The following ACACB variants were observed in gnomAD, a reference collection of about 807,000 sequenced individuals.
ACACB encodes acetyl-CoA carboxylase beta, also known as acetyl-CoA carboxylase 2.
ACACB carries 209 observed loss-of-function variants against 278.8 expected under a neutral mutation model. The observed-to-expected ratio is 0.75, with a 90% confidence interval of 0.67 to 0.84. The LOEUF (loss-of-function observed/expected upper bound fraction) is 0.84, where lower values mean the gene tolerates loss of function less well. ACACB is among the 40% of genes least tolerant of loss of function. The probability of loss-of-function intolerance (pLI) is 0.00; values close to 1 mark genes in which losing one functional copy is unlikely to be tolerated. For synonymous variants in ACACB, 1,174 were observed against 1,285.6 expected (o/e 0.91, Z 1.86); for missense variants, 2,850 against 3,269.0 (o/e 0.87, Z 3.13).
In ACACB at chr12:109,253,135, G is replaced by A; in HGVS notation, c.6022G>A (p.Glu2008Lys). The A allele has an allele frequency of 1.3e-6, 2 of 1,599,252 alleles. No homozygotes were observed. Among genetic ancestry groups the A allele is most frequent in the African/African-American group, 1.3e-5 (1 of 74,826 alleles). ...CTTTGAGGGGGTTTATACCATCCTG[G>A]AGTGGCTGTCCTATATGCCAAAGGT... ...DDFEGVYTILEWLSYMPKDNH... is the reference protein window; with the variant it reads ...DDFEGVYTILKWLSYMPKDNH... Residue 2008 changes from glutamate to lysine, a missense_variant, in exon 43 of 53, where the codon GAG becomes AAG. Physicochemically the swap from Glu to Lys is moderately conservative, Grantham distance 56. Transcript: ENST00000338432.
At chr12:109,244,836 G>A (rs995648177) in intron 37 of ACACB, among the ~76,000 whole-genome samples, 1 of 152,092 alleles carries the variant, frequency 6.6e-6, no homozygotes, top group African/African-American at 2.4e-5. Context: ...CGAGAGAATG[G>A]AAAACTGAAC....
chr12:109,194,255 G>T (rs1163969578), intron 16 of ACACB, among the ~76,000 whole-genome samples: 1 of 152,060 alleles, frequency 6.6e-6, no homozygotes, highest in Non-Finnish European at 1.5e-5. Context: ...GAGTGCAGTG[G>T]CTCAACCTTG....
At chr12:109,259,194 A>G in intron 47 of ACACB, 86 bp downstream of exon 47, 2 of 1,480,508 alleles carry the variant, frequency 1.4e-6, no homozygotes, top group Non-Finnish European at 1.8e-6. Context: ...CTAATGTCCT[A>G]GTCTGTGCCC....
intron 3 of ACACB, among the ~76,000 whole-genome samples, chr12:109,167,621 G>GTGTATATATATATATATATATATATA (rs1555210640): frequency 1.3e-5 from 1 of 77,526 alleles, no homozygotes; most frequent in African/African-American, 5.1e-5. Context: ...ATATGTATGT[G>GTGTATATATATATATATATATATATA]TATATATATA....
chr12:109,113,280 G>A (rs1411158634), upstream of ACACB: 1 of 152,240 alleles, frequency 6.6e-6, no homozygotes, highest in East Asian at 1.9e-4. Context: ...AGGAACAAGA[G>A]CATTCAACAC....
Position 109,246,570 on chromosome 12 carries a change from A to G in ACACB, c.5571+122A>G, listed in dbSNP as rs1365991561. ...ACTTATGTATAAAGCACAGATGTAC[A>G]TGTAGTGTATAAACAGGCATACAGT... is the stretch of plus-strand genomic sequence containing the variant. On this transcript the variant is annotated intron_variant, in intron 39 of 52. Transcript: ENST00000338432. 3.3e-6 allele frequency: 4 copies of G among 1,205,096 alleles called. No homozygotes were observed. In the East Asian group the frequency reaches 7.4e-5, roughly 22 times the overall value. The allele number at this position is 1,205,096 out of a possible 1,614,324, so 74.7% of individuals were successfully genotyped here.
intron 21 of ACACB, among the ~76,000 whole-genome samples, chr12:109,210,003 A>ACACACATACACACACG (rs2045666402): frequency 9.6e-6 from 1 of 104,244 alleles, no homozygotes; most frequent in Non-Finnish European, 1.9e-5. Context: ...ATATGTGTAT[A>ACACACATACACACACG]TGTGTATATA....
chr12:109,210,362 T>C lies in ACACB; in HGVS notation c.3249+1009T>C, dbSNP rs188445136. 7.4e-4 allele frequency among the ~76,000 whole-genome samples: 103 copies of C among 138,480 alleles called. 6 individuals carry two copies. The highest frequency in any genetic ancestry group is 2.8e-3 in the African/African-American group (97 of 35,182). 90.8% of individuals were successfully genotyped at this position (138,480 alleles called of 152,430 possible). Reference sequence around the variant, plus strand: ...ACACGCACACACATATCTGTGTATATATGTATATACACGCACACACATGTG... The same window carrying C: ...ACACGCACACACATATCTGTGTATACATGTATATACACGCACACACATGTG... On this transcript the variant is annotated intron_variant, in intron 21 of 52. Transcript: ENST00000338432.
At chr12:109,211,434 G>A (rs568388519) in intron 21 of ACACB, among the ~76,000 whole-genome samples, 8 of 141,284 alleles carry the variant, frequency 5.7e-5, no homozygotes, top group Non-Finnish European at 1.2e-4. Context: ...TATTTTTTTA[G>A]TGAAGATGGG....
At chr12:109,252,949 A>G (rs1362435093) in intron 42 of ACACB, 66 bp from the exon 43 acceptor site, 27 of 1,404,348 alleles carry the variant, frequency 1.9e-5, no homozygotes, top group Non-Finnish European at 2.5e-5. Context: ...CACTGAGATG[A>G]TTTCCAAACA....
chr12:109,186,331 C>G (rs2044663324), intron 12 of ACACB, among the ~76,000 whole-genome samples: 1 of 152,190 alleles, frequency 6.6e-6, no homozygotes, highest in South Asian at 2.1e-4. Flanking sequence ...CATCGTCACC[C>G]CACATTACAG....
At chr12:109,200,031 CAAAAAAAA>C (rs796623006) in intron 18 of ACACB, among the ~76,000 whole-genome samples, 2 of 61,462 alleles carry the variant, frequency 3.3e-5, no homozygotes, top group African/African-American at 5.5e-5. Context: ...GACTCCGTCT[CAAAAAAAA>C]AAAAAAAAAA....
rs79788734 is a variant in ACACB at position 109,246,995 on chromosome 12, T to C, written c.5571+547T>C. Among the ~76,000 whole-genome samples the C allele has an allele frequency of 5.6e-4, 86 of 152,240 alleles. 3 individuals are homozygous for C. The East Asian group carries it at 0.015, about 26-fold the overall frequency. ...TGGGAAGTTGAAGTGGGAGGATCAC[T>C]TGGAGCCCAGGAGTTCAAGGCTGCA... is the stretch of plus-strand genomic sequence containing the variant. On this transcript the variant is annotated intron_variant, in intron 39 of 52. Transcript: ENST00000338432.
intron 15 of ACACB, among the ~76,000 whole-genome samples, chr12:109,193,170 G>T (rs2044956145): frequency 6.6e-6 from 1 of 150,832 alleles, no homozygotes; most frequent in Admixed American, 6.6e-5. Flanking sequence ...ATATCAGGCT[G>T]CTCAGGGTGA....
At chr12:109,231,976 A>G (rs1035389388) in intron 28 of ACACB, among the ~76,000 whole-genome samples, 1 of 152,214 alleles carries the variant, frequency 6.6e-6, no homozygotes, top group African/African-American at 2.4e-5. Context: ...TCAGGGAACG[A>G]TAGGAACCTT....
At chr12:109,156,479 G>T (rs2043539708) in intron 2 of ACACB, among the ~76,000 whole-genome samples, 1 of 149,106 alleles carries the variant, frequency 6.7e-6, no homozygotes, top group African/African-American at 2.5e-5. Context: ...AGTGAGCAAT[G>T]GTTGTGCTAT....
intron 16 of ACACB, 80 bp from the exon 17 acceptor site, chr12:109,196,928 T>G: frequency 7.1e-7 from 1 of 1,411,950 alleles, no homozygotes; most frequent in Non-Finnish European, 9.3e-7. Flanking sequence ...AACCAGCTCT[T>G]GTTTGTTGTT....
chr12:109,162,934 CT>C (rs1565876768), intron 2 of ACACB, among the ~76,000 whole-genome samples: 1 of 151,988 alleles, frequency 6.6e-6, no homozygotes, highest in African/African-American at 2.4e-5. Flanking sequence ...TTTTCTTTTT[CT>C]TTTTTGAGAT....
intron 27 of ACACB, among the ~76,000 whole-genome samples, chr12:109,224,566 C>T (rs1287617275): frequency 2.0e-5 from 3 of 150,560 alleles, no homozygotes; most frequent in Non-Finnish European, 4.4e-5. Context: ...TTGAGACTCG[C>T]TTGTGCCTAG....
Sources: allele counts gnomAD v4.1 joint callset (sites outside exome capture counted in the v4.1 genomes callset), GRCh38; gene constraint gnomAD v4.1.1; transcripts MANE v1.5; gene names NCBI Gene and HGNC (gene_info 2026-07-23, HGNC 2026-07-21).